The following CNKSR2 variants were observed in gnomAD, a reference collection of about 807,000 sequenced individuals.
The protein encoded by CNKSR2 is CNK homolog protein 2.
In CNKSR2, 14 loss-of-function variants were observed where a neutral mutation model predicts 84.4. The ratio of observed to expected loss-of-function variants is 0.17; its 90% CI spans 0.11 to 0.26. The LOEUF (loss-of-function observed/expected upper bound fraction) is 0.26. Among genes scored for constraint, CNKSR2 ranks in the 10% least tolerant of loss-of-function variants. The pLI is 1.00. For missense variants in CNKSR2, 485 were observed against 771.2 expected (o/e 0.63, Z 4.40); for synonymous variants, 275 against 277.9 (o/e 0.99, Z 0.10).
chrX:21,422,319 C>T (rs2147043565), intron 1 of CNKSR2: 1 of 111,599 alleles, frequency 9.0e-6, no homozygotes, highest in South Asian at 3.8e-4. Flanking sequence ...CACCCTGGAC[C>T]TTCTTTCCTG....
chrX:21,414,916 C>T (rs756091344), intron 1 of CNKSR2, among the ~76,000 whole-genome samples: 2 of 111,148 alleles, frequency 1.8e-5, no homozygotes, highest in Non-Finnish European at 3.8e-5. Flanking sequence ...CTCTGTGTCT[C>T]TTTTTATGCC....
intron 4 of CNKSR2, among the ~76,000 whole-genome samples, chrX:21,461,667 A>T (rs189870673): frequency 8.9e-6 from 1 of 112,455 alleles, no homozygotes; most frequent in Non-Finnish European, 1.9e-5. Context: ...TCATAGGTTG[A>T]GGTCTTAGAT....
At chrX:21,636,066 G>A (rs1413166956) in intron 20 of CNKSR2, among the ~76,000 whole-genome samples, 2 of 111,083 alleles carry the variant, frequency 1.8e-5, no homozygotes, top group African/African-American at 6.5e-5. Context: ...ACCTATTAAA[G>A]GAAATAGGCA....
At chrX:21,564,085 G>T (rs1299292227) in intron 13 of CNKSR2, among the ~76,000 whole-genome samples, 1 of 111,313 alleles carries the variant, frequency 9.0e-6, no homozygotes, top group African/African-American at 3.3e-5. Flanking sequence ...ATGCAGGTGC[G>T]CCACAAATGT....
chrX:21,547,802 A>G (rs1388993341), intron 11 of CNKSR2, among the ~76,000 whole-genome samples: 2 of 112,393 alleles, frequency 1.8e-5, no homozygotes, highest in Non-Finnish European at 3.8e-5. Flanking sequence ...CAACATGGAA[A>G]CTGAACAACC....
Position 21,561,182 on chromosome X carries a change from TAAA to T in CNKSR2, c.1304-273_1304-271del, listed in dbSNP as rs61507460. On this transcript the variant is annotated intron_variant, in intron 11 of 21. Transcript: ENST00000379510. The stretch of plus-strand genomic sequence containing the variant: ...AAATCACTTATATGATTATCTTCTT[TAAA>T]AAAAAAAAAAAAAAACTATACCCTT... Among the ~76,000 whole-genome samples, 847 of 92,448 alleles carry T rather than the reference TAAA, an allele frequency of 9.2e-3. 8 individuals carry two copies. The highest frequency in any genetic ancestry group is 0.031 in the African/African-American group (813 of 26,097). 80.3% of individuals were successfully genotyped at this position (92,448 alleles called of 115,157 possible). A position where few individuals can be genotyped will look rare whatever the true frequency, so the allele number is the denominator to read the frequency against.
chrX:21,636,757 G>A (rs2092674006), intron 20 of CNKSR2, among the ~76,000 whole-genome samples: 1 of 110,859 alleles, frequency 9.0e-6, no homozygotes, highest in Admixed American at 9.7e-5. Context: ...TTTTTGAGGT[G>A]AGAGTGTTGT....
chrX:21,447,065 A>G (rs2090865521), intron 4 of CNKSR2, among the ~76,000 whole-genome samples: 1 of 111,318 alleles, frequency 9.0e-6, no homozygotes, highest in South Asian at 3.7e-4. Flanking sequence ...TAAATGTATC[A>G]TTTGATTATG....
intron 13 of CNKSR2, among the ~76,000 whole-genome samples, chrX:21,580,080 C>A (rs746597851): frequency 1.5e-4 from 17 of 111,895 alleles, no homozygotes; most frequent in African/African-American, 4.8e-4. Flanking sequence ...ATCTCCCCAT[C>A]AAGTTCTTTT....
At chrX:21,462,182 A>AT (rs1040549593) in intron 4 of CNKSR2, among the ~76,000 whole-genome samples, 1 of 111,679 alleles carries the variant, frequency 9.0e-6, no homozygotes, top group African/African-American at 3.2e-5. Flanking sequence ...ATATCTTTTC[A>AT]TTTTTTGGTG....
At chrX:21,474,737 A>T (rs2091242397) in intron 5 of CNKSR2, among the ~76,000 whole-genome samples, 1 of 111,990 alleles carries the variant, frequency 8.9e-6, no homozygotes, top group Non-Finnish European at 1.9e-5. Flanking sequence ...GTGGCAATCC[A>T]AATTTTAAAG....
At chrX:21,391,666 T>C (rs893832684) in intron 1 of CNKSR2, among the ~76,000 whole-genome samples, 4 of 112,309 alleles carry the variant, frequency 3.6e-5, no homozygotes, top group African/African-American at 9.7e-5. Flanking sequence ...GTTTCTGAAA[T>C]GCCTTTGAGG....
intron 5 of CNKSR2, among the ~76,000 whole-genome samples, chrX:21,479,772 A>G (rs60960002): frequency 0.029 from 3,213 of 109,752 alleles, 126 homozygotes; most frequent in African/African-American, 0.1. Context: ...GTGGAAGACA[A>G]CCTTCGAGGA....
At chrX:21,599,365 TGTGTGTGTGTGTGTGTGTGA>T (rs1835768788) in intron 17 of CNKSR2, among the ~76,000 whole-genome samples, 1 of 106,459 alleles carries the variant, frequency 9.4e-6, no homozygotes. Flanking sequence ...TGTGTGTGTG[TGTGTGTGTGTGTGTGTGTGA>T]GATGGAGTCT....
chrX:21,392,987 A>G (rs2090071822), intron 1 of CNKSR2, among the ~76,000 whole-genome samples: 1 of 112,100 alleles, frequency 8.9e-6, no homozygotes, highest in Non-Finnish European at 1.9e-5. Flanking sequence ...AATTCTAAAA[A>G]GCTCAGTCTT....
At chrX:21,613,962 G>T (rs12116377) in intron 20 of CNKSR2, among the ~76,000 whole-genome samples, 1 of 105,972 alleles carries the variant, frequency 9.4e-6, no homozygotes, top group African/African-American at 3.4e-5. Flanking sequence ...AAGAAAGAAA[G>T]AAAAAAAATT....
chrX:21,512,403 A>G lies in CNKSR2; in HGVS notation c.811-4082A>G, dbSNP rs1187350977. 2.7e-5 allele frequency among the ~76,000 whole-genome samples: 3 copies of G among 112,049 alleles called. No individual in the cohort carries two copies. In the Admixed American group the frequency reaches 2.9e-4, roughly 11 times the overall value. Reference sequence around the variant, plus strand: ...ACACATGCTAAAGTTTGAGAACCACATTGAAGAAAAGTAATCTGAGAAAAA... The same window carrying G: ...ACACATGCTAAAGTTTGAGAACCACGTTGAAGAAAAGTAATCTGAGAAAAA... On this transcript the variant is annotated intron_variant, in intron 8 of 21. Coordinates refer to ENST00000379510, the MANE Select transcript of CNKSR2 (RefSeq NM_014927.5).
chrX:21,495,822 A>AAAAAAAAAAAAC (rs1231075186), intron 6 of CNKSR2: 1 of 75,877 alleles, frequency 1.3e-5, no homozygotes, highest in Non-Finnish European at 2.7e-5. Flanking sequence ...AAAAAAAAAA[A>AAAAAAAAAAAAC]CACGAAAAAT....
At chrX:21,380,904 G>A (rs891798184) in intron 1 of CNKSR2, among the ~76,000 whole-genome samples, 6 of 112,230 alleles carry the variant, frequency 5.3e-5, no homozygotes, top group Admixed American at 1.9e-4. Flanking sequence ...GGGGAAGGGA[G>A]TATAAAGTAA....
Sources: allele counts gnomAD v4.1 joint callset (sites outside exome capture counted in the v4.1 genomes callset), GRCh38; gene constraint gnomAD v4.1.1; transcripts MANE v1.5; gene names NCBI Gene and HGNC (gene_info 2026-07-23, HGNC 2026-07-21).